ROBO1: variants seen among roughly 807,000 people sequenced by gnomAD.
ROBO1 encodes roundabout guidance receptor 1.
Under a neutral mutation model 195.9 loss-of-function variants are expected in ROBO1, and 149 were observed. The ratio of observed to expected loss-of-function variants is 0.76; its 90% CI spans 0.67 to 0.87. ROBO1 has a LOEUF of 0.87. Ranked by LOEUF, ROBO1 falls within the 40% of genes least tolerant of loss-of-function variation. ROBO1 has a pLI of 0.00. For missense variants in ROBO1, 1,933 were observed against 2,068.3 expected, an observed-to-expected ratio of 0.93 and a Z score of 1.27; for synonymous variants, 816 against 733.2, an observed-to-expected ratio of 1.11 and a Z score of -1.82.
chr3:79,050,973 G>T (rs1404516670), intron 3 of ROBO1, among the ~76,000 whole-genome samples: 1 of 152,066 alleles, frequency 6.6e-6, no homozygotes, highest in African/African-American at 2.4e-5. Flanking sequence ...ATCTAAAATT[G>T]ACACCCTAAC....
intron 2 of ROBO1, among the ~76,000 whole-genome samples, chr3:79,244,860 A>C (rs1559761087): frequency 6.6e-6 from 1 of 152,030 alleles, no homozygotes; most frequent in Non-Finnish European, 1.5e-5. Context: ...GTTTGAATAT[A>C]CTTCATTTTT....
At chr3:79,003,231 A>G (rs999188338) in intron 3 of ROBO1, among the ~76,000 whole-genome samples, 4 of 152,134 alleles carry the variant, frequency 2.6e-5, no homozygotes, top group Non-Finnish European at 5.9e-5. Context: ...CAAACTGTCA[A>G]ATTAACGCTG....
chr3:78,980,338 T>C (rs1339072167), intron 3 of ROBO1, among the ~76,000 whole-genome samples: 1 of 152,106 alleles, frequency 6.6e-6, no homozygotes, highest in East Asian at 1.9e-4. Context: ...ACGAACAACA[T>C]ACAAACTTTC....
At chr3:79,640,717 G>A (rs1327871644) in intron 1 of ROBO1, among the ~76,000 whole-genome samples, 1 of 151,992 alleles carries the variant, frequency 6.6e-6, no homozygotes, top group African/African-American at 2.4e-5. Context: ...ACTTTCTTTG[G>A]TGGTTATTTC....
chr3:78,647,243 G>T (rs1706356360), intron 20 of ROBO1, among the ~76,000 whole-genome samples: 1 of 152,042 alleles, frequency 6.6e-6, no homozygotes, highest in African/African-American at 2.4e-5. Flanking sequence ...TGGGGACAGA[G>T]AATTATAAGG....
Position 79,366,703 on chromosome 3 carries a change from C to T in ROBO1, c.88+223121G>A, listed in dbSNP as rs959348670. On this transcript the variant is annotated intron_variant, in intron 2 of 30. Coordinates refer to ENST00000464233, the MANE Select transcript of ROBO1 (RefSeq NM_002941.4). ...TTCAATGATTTAATTAACACATGAACGAGAGTTCCAGGGTCACATTTGCCA... is the reference window on the plus strand; with the variant it reads ...TTCAATGATTTAATTAACACATGAATGAGAGTTCCAGGGTCACATTTGCCA... 3.3e-5 allele frequency among the ~76,000 whole-genome samples: 5 copies of T among 152,136 alleles called. No individual in the cohort carries two copies. The East Asian group carries it at 5.8e-4, about 18-fold the overall frequency.
At chr3:78,697,045 GAC>G (rs10663468) in intron 8 of ROBO1, among the ~76,000 whole-genome samples, 32,552 of 146,148 alleles carry the variant, frequency 0.22, 3,903 homozygotes, top group East Asian at 0.57. Flanking sequence ...GTCACACACA[GAC>G]ACACACACAC....
intron 2 of ROBO1, among the ~76,000 whole-genome samples, chr3:79,372,310 G>A (rs1338720055): frequency 2.0e-5 from 3 of 151,596 alleles, no homozygotes; most frequent in Non-Finnish European, 2.9e-5. Context: ...GGGTTCAAGC[G>A]ATTCTCCTGC....
intron 2 of ROBO1, among the ~76,000 whole-genome samples, chr3:79,296,779 G>A (rs1340991820): frequency 6.6e-6 from 1 of 152,154 alleles, no homozygotes; most frequent in Non-Finnish European, 1.5e-5. Flanking sequence ...CCCGTGATAA[G>A]TGCAGAAATT....
intron 2 of ROBO1, among the ~76,000 whole-genome samples, chr3:79,135,811 A>G (rs2080397094): frequency 6.6e-6 from 1 of 151,978 alleles, no homozygotes; most frequent in African/African-American, 2.4e-5. Flanking sequence ...CTAATTTTGT[A>G]TTTTTAGTAG....
chr3:79,086,621 A>G (rs1242199210), intron 3 of ROBO1, among the ~76,000 whole-genome samples: 3 of 152,178 alleles, frequency 2.0e-5, no homozygotes, highest in Non-Finnish European at 4.4e-5. Context: ...CAGGGTCTCC[A>G]CAAGAGGGCG....
At chr3:79,076,276 T>C (rs1390131009) in intron 3 of ROBO1, among the ~76,000 whole-genome samples, 2 of 147,616 alleles carry the variant, frequency 1.4e-5, no homozygotes, top group Non-Finnish European at 3.0e-5. Context: ...TATATATAAA[T>C]ATATAAATAT....
intron 4 of ROBO1, among the ~76,000 whole-genome samples, chr3:78,926,915 T>A (rs1362435724): frequency 2.6e-5 from 4 of 152,146 alleles, no homozygotes; most frequent in Admixed American, 6.5e-5. Context: ...ATGTCCTAAC[T>A]TCGGTTACAT....
chr3:78,693,190 G>T, intron 8 of ROBO1: 1 of 935,358 alleles, frequency 1.1e-6, no homozygotes, highest in Non-Finnish European at 1.6e-6. Context: ...ACTTCCTGCA[G>T]ACTTTATTCT....
Position 78,685,867 on chromosome 3 carries a change from G to T in ROBO1, c.1221C>A (p.Val407=). The change falls in exon 10 of 31, where the codon GTC becomes GTA. Residue 407 remains valine (V), a synonymous_variant. Transcript: ENST00000464233. ...TAATTGTGAGGTCGCCAGTCTGGGA[G>T]ACTGAAAATCGGCTGGATGACTGTG... The part of the protein sequence containing the change: ...QPPQSSSRFS[V]SQTGDLTITN... 2 of 1,608,594 alleles carry T rather than the reference G, an allele frequency of 1.2e-6. No homozygotes were observed. The highest frequency in any genetic ancestry group is 1.7e-6 in the Non-Finnish European group (2 of 1,176,748).
chr3:79,325,339 T>C (rs983653247), intron 2 of ROBO1, among the ~76,000 whole-genome samples: 1 of 152,180 alleles, frequency 6.6e-6, no homozygotes, highest in Non-Finnish European at 1.5e-5. Flanking sequence ...ATTGTTTTAT[T>C]TCATTCTTCA....
At chr3:79,271,179 C>A (rs939260531) in intron 2 of ROBO1, among the ~76,000 whole-genome samples, 2 of 151,978 alleles carry the variant, frequency 1.3e-5, no homozygotes, top group Non-Finnish European at 2.9e-5. Context: ...ATCTTTACTT[C>A]TTCTCATCTC....
At chr3:78,787,260 A>C (rs2083864963) in intron 4 of ROBO1, among the ~76,000 whole-genome samples, 1 of 152,220 alleles carries the variant, frequency 6.6e-6, no homozygotes, top group Admixed American at 6.5e-5. Context: ...CTAATCAGTA[A>C]TTATATAGGC....
chr3:78,780,459 T>A (rs190669174), intron 4 of ROBO1, among the ~76,000 whole-genome samples: 33 of 152,228 alleles, frequency 2.2e-4, no homozygotes, highest in Non-Finnish European at 4.3e-4. Flanking sequence ...TTTCTAGATT[T>A]TTTTTTTCAT....
Sources: allele counts gnomAD v4.1 joint callset (sites outside exome capture counted in the v4.1 genomes callset), GRCh38; gene constraint gnomAD v4.1.1; transcripts MANE v1.5; gene names NCBI Gene and HGNC (gene_info 2026-07-23, HGNC 2026-07-21).